The following NAPA variants were observed in gnomAD, a reference collection of about 807,000 sequenced individuals.
NAPA encodes NSF attachment protein alpha.
A neutral mutation model predicts 48.0 loss-of-function variants in NAPA; 18 were observed. The observed-to-expected ratio is 0.38, with a 90% CI of 0.26 to 0.56. NAPA has a LOEUF of 0.56. NAPA is among the 20% of genes least tolerant of loss of function. The pLI is 0.77. For synonymous variants in NAPA, 152 were observed against 149.9 expected (o/e 1.01, Z -0.10); for missense variants, 315 against 385.0 (o/e 0.82, Z 1.52).
chr19:47,510,132 T>C (rs1484797970), intron 1 of NAPA, among the ~76,000 whole-genome samples: 2 of 152,304 alleles, frequency 1.3e-5, no homozygotes, highest in East Asian at 3.9e-4. Flanking sequence ...GGCACTGTGA[T>C]TCACCAGGGT....
At chr19:47,496,928 C>T (rs753346231) in intron 3 of NAPA, 3 of 445,654 alleles carry the variant, frequency 6.7e-6, no homozygotes, top group South Asian at 4.8e-5. Flanking sequence ...AGAGAAGGTA[C>T]AGCACTCAGT....
In NAPA at chr19:47,500,727, C is replaced by G. The variant is rs377312872; in HGVS notation, c.201G>C (p.Gln67His). 27 of 1,607,796 alleles carry G rather than the reference C, an allele frequency of 1.7e-5. No homozygotes were observed. The highest frequency in any genetic ancestry group is 2.0e-5 in the Non-Finnish European group (23 of 1,177,118). ...NWSAAGNAFC[Q>H]AAQLHLQLQS... is the part of the protein sequence containing the mutation. ...GGAGCTGCAGGTGCAGCTGTGCAGC[C>G]TGGCAGAACGCGTTTCCAGCAGCTG... Residue 67 changes from glutamine (Q) to histidine (H), a missense_variant, in exon 3 of 11, where the codon CAG becomes CAC. Around this residue, in one of 3 missense-constraint regions of NAPA, gnomAD observed 173 missense variants for 213.5 expected, o/e 0.81. Coordinates refer to ENST00000263354, the MANE Select transcript of NAPA (RefSeq NM_003827.4).
chr19:47,507,030 G>C (rs548523849), intron 1 of NAPA: 3 of 152,392 alleles, frequency 2.0e-5, no homozygotes, highest in East Asian at 3.9e-4. Context: ...AACAGTACAC[G>C]AAAGGAAAAT....
At chr19:47,504,397 C>CAAAAAA (rs11367620) in intron 1 of NAPA, among the ~76,000 whole-genome samples, 14 of 57,172 alleles carry the variant, frequency 2.4e-4, no homozygotes, top group African/African-American at 5.1e-4. Context: ...GACCTTGTCT[C>CAAAAAA]AAAAAAAAAA....
intron 1 of NAPA, among the ~76,000 whole-genome samples, chr19:47,507,263 G>C (rs920589233): frequency 6.6e-6 from 1 of 152,216 alleles, no homozygotes; most frequent in Non-Finnish European, 1.5e-5. Context: ...GGAGGAAGGA[G>C]TCTCAGGTCT....
Position 47,514,295 on chromosome 19 carries a change from C to T in NAPA, c.98+548G>A, listed in dbSNP as rs533030788. On this transcript the variant is annotated intron_variant, in intron 1 of 10. Transcript: ENST00000263354. ...CTGCCTGGTGTCAGCCCCCTTCAGCCTTCACCCTCACCGCCCAGGGCCCAC... is the reference window on the plus strand; with the variant it reads ...CTGCCTGGTGTCAGCCCCCTTCAGCTTTCACCCTCACCGCCCAGGGCCCAC... 2.0e-5 allele frequency among the ~76,000 whole-genome samples: 3 copies of T among 152,258 alleles called. No homozygotes were observed. In the South Asian group the frequency reaches 6.2e-4, roughly 32 times the overall value.
At chr19:47,500,932 C>T (rs917761806) in intron 2 of NAPA, among the ~76,000 whole-genome samples, 183 bp from the exon 3 acceptor site, 2 of 152,122 alleles carry the variant, frequency 1.3e-5, no homozygotes, top group African/African-American at 4.8e-5. Context: ...CTGGCTCCTG[C>T]GCTCAGGTCT....
chr19:47,502,834 T>C (rs1464362444), intron 2 of NAPA, among the ~76,000 whole-genome samples: 1 of 152,152 alleles, frequency 6.6e-6, no homozygotes, highest in African/African-American at 2.4e-5. Context: ...CTGGGGCAGG[T>C]TAAACACTCA....
intron 3 of NAPA, chr19:47,497,347 C>A: frequency 6.5e-6 from 1 of 153,680 alleles, no homozygotes. Context: ...GAGCACCCGC[C>A]GTCAGCATGG....
chr19:47,492,913 G>A, intron 7 of NAPA, 48 bp downstream of exon 7: 1 of 1,580,432 alleles, frequency 6.3e-7, no homozygotes, highest in South Asian at 1.1e-5. Context: ...GGAGGCACAG[G>A]CCCTGAGAGG....
At chr19:47,496,975 C>A in intron 3 of NAPA, 1 of 365,686 alleles carries the variant, frequency 2.7e-6, no homozygotes, top group Non-Finnish European at 5.7e-6. Flanking sequence ...ACTGTGGCAG[C>A]AGACAGTGGA....
At chr19:47,488,434 C>T in intron 10 of NAPA, 45 bp from the exon 11 acceptor site, 2 of 1,512,724 alleles carry the variant, frequency 1.3e-6, no homozygotes. Flanking sequence ...CCCCCCGTTC[C>T]CAACCCTGCA....
At position 47,493,096 on chromosome 19, in the gene NAPA, G is replaced by A. The variant is rs774911957; in HGVS notation, c.476+23C>T. 6.2e-7 allele frequency: 1 copy of A among 1,613,970 alleles called. No homozygotes were observed. The highest frequency in any genetic ancestry group is 1.7e-5 in the Admixed American group (1 of 60,020). On this transcript the variant is annotated intron_variant, in intron 6 of 10. Transcript: ENST00000263354. The surrounding 1 kb of genome is among the most constrained non-coding windows in gnomAD (Gnocchi z 6.4). ...AAGTGGTGGCGGTCCCTGCGGGGCT[G>A]GGGCAGGCAGGAAGGGGGCTACCTG... is the stretch of plus-strand genomic sequence containing the variant.
At chr19:47,495,450 C>T (rs183753863) in intron 4 of NAPA, 100 bp downstream of exon 4, 43 of 1,339,186 alleles carry the variant, frequency 3.2e-5, no homozygotes, top group Admixed American at 2.6e-4. Flanking sequence ...GTGGTTTGGC[C>T]GCAGAATAAG....
chr19:47,511,498 T>G (rs879263299), intron 1 of NAPA, among the ~76,000 whole-genome samples: 1 of 152,138 alleles, frequency 6.6e-6, no homozygotes, highest in Non-Finnish European at 1.5e-5. Flanking sequence ...AAAACAGCCA[T>G]GGGAGGACAG....
intron 1 of NAPA, among the ~76,000 whole-genome samples, chr19:47,508,351 G>A (rs1335284391): frequency 2.0e-5 from 3 of 152,202 alleles, no homozygotes; most frequent in South Asian, 2.1e-4. Context: ...ACCTGGAAGC[G>A]GGAAACCACC....
chr19:47,488,204 AG>A lies in NAPA; in HGVS notation c.*83del. 7.5e-7 allele frequency: 1 copy of A among 1,325,872 alleles called. No individual in the cohort carries two copies. The highest frequency in any genetic ancestry group is 1.3e-5 in the South Asian group (1 of 78,906). The allele number at this position is 1,325,872 out of a possible 1,614,324, so 82.1% of individuals were successfully genotyped here. ...CGCGGCACTCCCCAGATGGGAAAGG[AG>A]GGAAGCTCTCCAGCAAGTCTCGGCC... On this transcript the variant is annotated 3_prime_UTR_variant, in exon 11 of 11. Transcript: ENST00000263354.
chr19:47,514,065 T>C (rs1247952637), intron 1 of NAPA, among the ~76,000 whole-genome samples: 1 of 151,578 alleles, frequency 6.6e-6, no homozygotes, highest in Non-Finnish European at 1.5e-5. Context: ...TCCAGGCTGG[T>C]CTCGAACTCC....
chr19:47,502,700 AG>A (rs748326784), intron 2 of NAPA, among the ~76,000 whole-genome samples: 2 of 152,196 alleles, frequency 1.3e-5, no homozygotes, highest in Admixed American at 6.5e-5. Context: ...GAGCCTCGAA[AG>A]GGCTCAACAC....
Sources: allele counts gnomAD v4.1 joint callset (sites outside exome capture counted in the v4.1 genomes callset), GRCh38; gene constraint gnomAD v4.1.1; regional missense constraint gnomAD v4.1.1; non-coding constraint Gnocchi (gnomAD v3.1); transcripts MANE v1.5; gene names NCBI Gene and HGNC (gene_info 2026-07-23, HGNC 2026-07-21).